PCBP3: variants seen among roughly 807,000 people sequenced by gnomAD.
PCBP3 encodes poly(rC) binding protein 3.
Under a neutral mutation model 52.7 loss-of-function variants are expected in PCBP3, and 25 were observed. The observed-to-expected ratio is 0.47, with a 90% CI of 0.35 to 0.66. The LOEUF is 0.66. Among genes scored for constraint, PCBP3 ranks in the 30% least tolerant of loss-of-function variants. The pLI is 0.01. For missense variants in PCBP3, 391 were observed against 490.3 expected (o/e 0.80, Z 1.91); for synonymous variants, 162 against 183.0 (o/e 0.89, Z 0.93).
At chr21:45,824,598 C>G (rs55634478) in intron 4 of PCBP3, among the ~76,000 whole-genome samples, 1,716 of 152,314 alleles carry the variant, frequency 0.011, 15 homozygotes, top group Non-Finnish European at 0.018. Flanking sequence ...TCTCAGCCCT[C>G]CCTGCCCTGG....
chr21:45,760,329 C>G (rs1180560146), intron 4 of PCBP3: 1 of 152,180 alleles, frequency 6.6e-6, no homozygotes, highest in Non-Finnish European at 1.5e-5. Flanking sequence ...GCATGCACCA[C>G]TATGCCTGGC....
At chr21:45,815,566 AGTGAGTG>A (rs1268960647) in intron 4 of PCBP3, among the ~76,000 whole-genome samples, 1 of 68,514 alleles carries the variant, frequency 1.5e-5, no homozygotes, top group African/African-American at 6.3e-5. Flanking sequence ...GTGAGTGGTG[AGTGAGTG>A]GTGAGTGGTG....
chr21:45,717,172 A>G (rs573335496), intron 2 of PCBP3, among the ~76,000 whole-genome samples: 64 of 152,312 alleles, frequency 4.2e-4, no homozygotes, highest in African/African-American at 1.3e-3. Context: ...GTACAGAAAT[A>G]CAATTACTTT....
intron 4 of PCBP3, among the ~76,000 whole-genome samples, chr21:45,783,670 G>C (rs2090823153): frequency 6.6e-6 from 1 of 152,340 alleles, no homozygotes; most frequent in Admixed American, 6.5e-5. Flanking sequence ...TCAGTGCACG[G>C]CCTGAGCTGC....
chr21:45,776,162 T>G (rs2090236516), intron 4 of PCBP3, among the ~76,000 whole-genome samples: 1 of 152,232 alleles, frequency 6.6e-6, no homozygotes, highest in Non-Finnish European at 1.5e-5. Flanking sequence ...GGTTTTATTC[T>G]GTTGTGGTCT....
chr21:45,781,990 C>T (rs543450649), intron 4 of PCBP3, among the ~76,000 whole-genome samples: 5 of 152,258 alleles, frequency 3.3e-5, no homozygotes, highest in East Asian at 1.9e-4. Flanking sequence ...TCTCAAGATT[C>T]GTCAGTGCCG....
Position 45,896,195 on chromosome 21 carries a change from C to T in PCBP3, c.11-13C>T. 1 of 1,550,826 alleles carries T rather than the reference C, an allele frequency of 6.4e-7. No individual in the cohort carries two copies. The highest frequency in any genetic ancestry group is 1.2e-5 in the South Asian group (1 of 84,002). On this transcript the variant is annotated splice_polypyrimidine_tract_variant and intron_variant, in intron 5 of 17. Coordinates refer to ENST00000681687, the MANE Select transcript of PCBP3 (RefSeq NM_001384156.1). ...GACTCTTCTCTAGCAGCAGCTGTGCCTTCTCTCTCCAGGTGACGCCTTCTG... is the reference window on the plus strand; with the variant it reads ...GACTCTTCTCTAGCAGCAGCTGTGCTTTCTCTCTCCAGGTGACGCCTTCTG...
intron 5 of PCBP3, among the ~76,000 whole-genome samples, chr21:45,864,034 ATCT>A (rs770276395): frequency 1.3e-5 from 2 of 152,168 alleles, no homozygotes; most frequent in African/African-American, 2.4e-5. Flanking sequence ...AGTGTCAATA[ATCT>A]TCTTTACTAG....
intron 2 of PCBP3, among the ~76,000 whole-genome samples, chr21:45,688,433 CA>C (rs958532487): frequency 1.3e-5 from 2 of 151,864 alleles, no homozygotes; most frequent in African/African-American, 2.4e-5. Flanking sequence ...CAATTATTTC[CA>C]AATATAAAAA....
At chr21:45,855,993 C>T (rs929768042) in intron 5 of PCBP3, among the ~76,000 whole-genome samples, 1 of 152,222 alleles carries the variant, frequency 6.6e-6, no homozygotes, top group Admixed American at 6.5e-5. Flanking sequence ...ACTGTGGCTT[C>T]ACATCACATG....
chr21:45,871,495 G>A (rs1447046329), intron 5 of PCBP3: 1 of 152,580 alleles, frequency 6.6e-6, no homozygotes, highest in Non-Finnish European at 1.5e-5. Flanking sequence ...TGATACTGCA[G>A]AGGTGGCTCT....
intron 5 of PCBP3, among the ~76,000 whole-genome samples, chr21:45,875,074 G>A (rs1421128396): frequency 3.9e-5 from 6 of 152,254 alleles, no homozygotes; most frequent in Non-Finnish European, 7.3e-5. Context: ...CAGCGCGGTC[G>A]CCCCTGACGC....
rs1200139003 is a variant in PCBP3 at position 45,821,914 on chromosome 21, C to T, written c.-125-28047C>T. Among the ~76,000 whole-genome samples, 2 of 152,198 alleles carry T rather than the reference C, an allele frequency of 1.3e-5. No individual in the cohort carries two copies. The highest frequency in any genetic ancestry group is 2.9e-5 in the Non-Finnish European group (2 of 68,038). On this transcript the variant is annotated intron_variant, in intron 4 of 17. Coordinates refer to ENST00000681687, the MANE Select transcript of PCBP3 (RefSeq NM_001384156.1). This position sits in a 1 kb window ranked among gnomAD's most constrained non-coding sequence, Gnocchi z 4.4. ...CTCCTTAGGGTGCATTGTCACTCGG[C>T]GTTTCCGACACCTGCTCTCATCATT...
At chr21:45,742,579 T>C (rs1341930014) in intron 3 of PCBP3, among the ~76,000 whole-genome samples, 3 of 152,240 alleles carry the variant, frequency 2.0e-5, no homozygotes, top group Non-Finnish European at 4.4e-5. Context: ...ATGTCGTCTC[T>C]TATTGTGTTT....
intron 5 of PCBP3, among the ~76,000 whole-genome samples, chr21:45,856,614 G>A (rs1037643998): frequency 1.6e-4 from 22 of 141,836 alleles, no homozygotes; most frequent in African/African-American, 5.2e-4. Flanking sequence ...GCTCTGCCCC[G>A]GTGACGTGCC....
intron 8 of PCBP3, 80 bp from the exon 9 acceptor site, chr21:45,900,917 T>A: frequency 1.1e-6 from 1 of 935,110 alleles, no homozygotes; most frequent in Non-Finnish European, 1.8e-6. Context: ...TTGTGTCAAT[T>A]GTCAACGGAC....
chr21:45,846,785 A>T (rs939931623), intron 4 of PCBP3, among the ~76,000 whole-genome samples: 1 of 152,216 alleles, frequency 6.6e-6, no homozygotes, highest in African/African-American at 2.4e-5. Flanking sequence ...GTGAGGCTGG[A>T]CCTTGTCCCA....
intron 2 of PCBP3, among the ~76,000 whole-genome samples, chr21:45,689,228 A>C (rs1415821887): frequency 6.6e-6 from 1 of 152,114 alleles, no homozygotes; most frequent in Non-Finnish European, 1.5e-5. Flanking sequence ...TCAGGAAGAT[A>C]GGTAGGTAGG....
chr21:45,795,490 C>T (rs1298918855), intron 4 of PCBP3, among the ~76,000 whole-genome samples: 3 of 152,014 alleles, frequency 2.0e-5, no homozygotes, highest in Non-Finnish European at 4.4e-5. Flanking sequence ...CCAAAAGTAA[C>T]CCAGGCGTCA....
Sources: allele counts gnomAD v4.1 joint callset (sites outside exome capture counted in the v4.1 genomes callset), GRCh38; gene constraint gnomAD v4.1.1; non-coding constraint Gnocchi (gnomAD v3.1); transcripts MANE v1.5; gene names NCBI Gene and HGNC (gene_info 2026-07-23, HGNC 2026-07-21).